The following KNG1 variants were observed in gnomAD, a reference collection of about 807,000 sequenced individuals.
The protein encoded by KNG1 is kininogen-1.
A neutral mutation model predicts 47.8 loss-of-function variants in KNG1; 23 were observed. The ratio of observed to expected loss-of-function variants is 0.48; its 90% CI spans 0.35 to 0.68. The LOEUF is 0.68. KNG1 is among the 30% of genes least tolerant of loss of function. KNG1 has a pLI of 0.01. For synonymous variants in KNG1, 277 were observed against 277.0 expected, an observed-to-expected ratio of 1.00 and a Z score of 0.00; for missense variants, 762 against 790.2, an observed-to-expected ratio of 0.96 and a Z score of 0.43.
At chr3:186,724,144 G>A (rs1720283511) in intron 3 of KNG1, among the ~76,000 whole-genome samples, 1 of 152,150 alleles carries the variant, frequency 6.6e-6, no homozygotes, top group South Asian at 2.1e-4. Flanking sequence ...TTCATTTTTT[G>A]AGGAATCTCC....
At position 186,741,890 on chromosome 3, in the gene KNG1, G is replaced by A. The variant is rs1318615066; in HGVS notation, c.1494G>A (p.Lys498=). Reference sequence around the variant, plus strand: ...TCCTTGACCATGGACATAAGCATAAGCATGGTCATGGCCACGGAAAACATA... The same window carrying A: ...TCCTTGACCATGGACATAAGCATAAACATGGTCATGGCCACGGAAAACATA... The part of the protein sequence containing the change: ...GHVLDHGHKH[K]HGHGHGKHKN... Residue 498 remains lysine, a synonymous_variant, in exon 10 of 10, where the codon AAG becomes AAA. Transcript: ENST00000644859. 1 of 1,613,922 alleles carries A rather than the reference G, an allele frequency of 6.2e-7. No individual in the cohort carries two copies. The highest frequency in any genetic ancestry group is 8.5e-7 in the Non-Finnish European group (1 of 1,179,966).
Position 186,743,939 on chromosome 3 carries a change from G to C in KNG1, c.*1608G>C. 1.4e-6 allele frequency: 1 copy of C among 698,424 alleles called. No homozygotes were observed. The highest frequency in any genetic ancestry group is 2.6e-6 in the Non-Finnish European group (1 of 383,466). The allele number at this position is 698,424 out of a possible 1,614,324, so 43.3% of individuals were successfully genotyped here. On this transcript the variant is annotated 3_prime_UTR_variant, in exon 10 of 10. Transcript: ENST00000644859. ...TCTGGGTGAAATAAAGATCAGTCTTGATGTTCTAACTCTAATTCACAGTGG... is the reference window on the plus strand; with the variant it reads ...TCTGGGTGAAATAAAGATCAGTCTTCATGTTCTAACTCTAATTCACAGTGG...
intron 7 of KNG1, 96 bp downstream of exon 7, chr3:186,732,770 A>G: frequency 1.1e-6 from 1 of 945,296 alleles, no homozygotes; most frequent in Non-Finnish European, 1.7e-6. Context: ...TTGGGAAACC[A>G]TACATTTGAT....
At chr3:186,733,074 T>C (rs5030049) in intron 7 of KNG1, among the ~76,000 whole-genome samples, 14,494 of 152,010 alleles carry the variant, frequency 0.095, 843 homozygotes, top group South Asian at 0.23. Flanking sequence ...GGTGAAACCC[T>C]GTCTCTACTA....
Position 186,742,444 on chromosome 3 carries a change from G to A in KNG1, c.*113G>A, listed in dbSNP as rs919954680. On this transcript the variant is annotated 3_prime_UTR_variant, in exon 10 of 10. Coordinates refer to ENST00000644859, the MANE Select transcript of KNG1 (RefSeq NM_001102416.3). The stretch of plus-strand genomic sequence containing the variant: ...ATGCACCAAAAACCATGCAGCTTCG[G>A]AACAGTCTAAAGAGAAGTGGTGAGA... 1 of 1,542,238 alleles carries A rather than the reference G, an allele frequency of 6.5e-7. No homozygotes were observed. Among genetic ancestry groups the A allele is most frequent in the African/African-American group, 1.4e-5 (1 of 72,874 alleles).
chr3:186,740,589 A>G (rs1720784680), intron 9 of KNG1, among the ~76,000 whole-genome samples: 1 of 152,188 alleles, frequency 6.6e-6, no homozygotes, highest in African/African-American at 2.4e-5. Context: ...TAATCCACAG[A>G]TCGACATATT....
chr3:186,720,729 C>T, intron 2 of KNG1: 1 of 158,458 alleles, frequency 6.3e-6, no homozygotes, highest in Non-Finnish European at 1.4e-5. Context: ...CAATGGCTAT[C>T]TTAACCAAAT....
intron 6 of KNG1, 100 bp downstream of exon 6, chr3:186,731,729 A>G (rs1010707771): frequency 1.3e-6 from 1 of 756,538 alleles, no homozygotes; most frequent in Admixed American, 2.0e-5. Context: ...CCCGTGATAT[A>G]CTCCAAAGTC....
At chr3:186,737,407 G>A (rs1177730331) in intron 7 of KNG1, among the ~76,000 whole-genome samples, 1 of 151,918 alleles carries the variant, frequency 6.6e-6, no homozygotes, top group Admixed American at 6.6e-5. Flanking sequence ...TTTTTCAGAA[G>A]CAGTTTTCAT....
intron 6 of KNG1, among the ~76,000 whole-genome samples, chr3:186,732,148 T>A (rs1314771676): frequency 1.3e-5 from 2 of 152,228 alleles, no homozygotes; most frequent in Non-Finnish European, 2.9e-5. Flanking sequence ...AAGCTGCCTG[T>A]TCATCAGAAC....
At chr3:186,738,888 C>A in intron 7 of KNG1, 1 of 529,604 alleles carries the variant, frequency 1.9e-6, no homozygotes, top group Non-Finnish European at 3.3e-6. Flanking sequence ...CTTATTTCTT[C>A]CCCCACTTAG....
intron 6 of KNG1, 139 bp from the exon 7 acceptor site, chr3:186,732,363 C>A: frequency 1.3e-6 from 1 of 747,874 alleles, no homozygotes; most frequent in Non-Finnish European, 2.4e-6. Context: ...GTCAGACAGA[C>A]AACCTTCCCC....
At position 186,719,598 on chromosome 3, in the gene KNG1, G is replaced by C. The variant is rs949074462; in HGVS notation, c.196-507G>C. Among the ~76,000 whole-genome samples the C allele has an allele frequency of 9.2e-5, 14 of 152,178 alleles. No homozygotes were observed. In the East Asian group the frequency reaches 2.7e-3, roughly 29 times the overall value. On this transcript the variant is annotated intron_variant, in intron 1 of 9. Coordinates refer to ENST00000644859, the MANE Select transcript of KNG1 (RefSeq NM_001102416.3). ...CAAAAAAGTAGCCAGGCGTGGTGGAGGGCGCCTGTAGTCCCAGCTACTCTG... is the reference window on the plus strand; with the variant it reads ...CAAAAAAGTAGCCAGGCGTGGTGGACGGCGCCTGTAGTCCCAGCTACTCTG...
chr3:186,720,805 T>TTG (rs1553790785), intron 2 of KNG1, among the ~76,000 whole-genome samples: 10 of 140,076 alleles, frequency 7.1e-5, no homozygotes, highest in Admixed American at 2.1e-4. Flanking sequence ...TTTTTTTTTT[T>TTG]TTGAGCCAGA....
At chr3:186,739,925 G>A (rs1443168336) in intron 9 of KNG1, among the ~76,000 whole-genome samples, 1 of 152,078 alleles carries the variant, frequency 6.6e-6, no homozygotes, top group Non-Finnish European at 1.5e-5. Flanking sequence ...GGTGGCGCCT[G>A]TAATCCCAGC....
rs554544601 is a variant in KNG1, at chr3:186,722,588, A to G, written c.391+67A>G. The G allele has an allele frequency of 1.2e-4, 149 of 1,242,870 alleles. No individual in the cohort carries two copies. The East Asian group carries it at 3.1e-3, about 26-fold the overall frequency. 77.0% of individuals were successfully genotyped at this position (1,242,870 alleles called of 1,614,324 possible). A position where few individuals can be genotyped will look rare whatever the true frequency, so the allele number is the denominator to read the frequency against. On this transcript the variant is annotated intron_variant, in intron 3 of 9. Coordinates refer to ENST00000644859, the MANE Select transcript of KNG1 (RefSeq NM_001102416.3). ...ACCATTTCTGTGAGCCAGGAACACA[A>G]TCTTGACCAGGCTCTGCTTGCTCCC...
In KNG1 at chr3:186,744,118, A is replaced by G; in HGVS notation, c.*1787A>G. 1 of 369,330 alleles carries G rather than the reference A, an allele frequency of 2.7e-6. No individual in the cohort carries two copies. The highest frequency in any genetic ancestry group is 5.1e-6 in the Non-Finnish European group (1 of 195,218). 22.9% of individuals were successfully genotyped at this position (369,330 alleles called of 1,614,324 possible). A position where few individuals can be genotyped will look rare whatever the true frequency, so the allele number is the denominator to read the frequency against. On this transcript the variant is annotated 3_prime_UTR_variant, in exon 10 of 10. Transcript: ENST00000644859. ...GGACTTCCTTACCACCACGGGTGCTAAAAGAAGAGTTAGTAGGTCATGCTT... is the reference window on the plus strand; with the variant it reads ...GGACTTCCTTACCACCACGGGTGCTGAAAGAAGAGTTAGTAGGTCATGCTT...
Position 186,732,531 on chromosome 3 carries a change from A to C in KNG1, c.787A>C (p.Ile263Leu), listed in dbSNP as rs751700982. ...GKDFVQPPTKICVGCPRDIPT... is the reference protein window; with the variant it reads ...GKDFVQPPTKLCVGCPRDIPT... ...GGATTTTGTACAACCACCTACCAAG[A>C]TTTGCGTGGGCTGCCCCAGAGATAT... Residue 263 changes from isoleucine to leucine, a missense_variant, in exon 7 of 10, where the codon ATT becomes CTT. Physicochemically the swap from Ile to Leu is conservative, Grantham distance 5. Transcript: ENST00000644859. The C allele has an allele frequency of 3.8e-5, 62 of 1,614,028 alleles. No homozygotes were observed. The highest frequency in any genetic ancestry group is 5.2e-5 in the Non-Finnish European group (61 of 1,180,034).
chr3:186,731,042 A>G (rs5030043), intron 5 of KNG1, among the ~76,000 whole-genome samples: 5,742 of 152,056 alleles, frequency 0.038, 329 homozygotes, highest in African/African-American at 0.13. Flanking sequence ...CTTTTGAAAA[A>G]TAAAATGATC....
Sources: gnomAD v4.1 joint callset for allele counts (sites outside exome capture counted in the v4.1 genomes callset) on GRCh38, gnomAD v4.1.1 for gene constraint, MANE v1.5 for transcripts, NCBI Gene and HGNC (gene_info 2026-07-23, HGNC 2026-07-21) for gene names.